TMEM39B: variants seen among roughly 807,000 people sequenced by gnomAD.
TMEM39B encodes transmembrane protein 39B.
TMEM39B carries 23 observed loss-of-function variants against 52.2 expected under a neutral mutation model. The ratio of observed to expected loss-of-function variants is 0.44; its 90% CI spans 0.32 to 0.62. The LOEUF is 0.62. TMEM39B is among the 20% of genes least tolerant of loss of function. The pLI, the probability that TMEM39B is intolerant of heterozygous loss-of-function variation, is 0.06. For synonymous variants in TMEM39B, 285 were observed against 264.0 expected (o/e 1.08, Z -0.77); for missense variants, 547 against 642.0 (o/e 0.85, Z 1.60).
chr1:32,097,174 A>G (rs989733144), intron 7 of TMEM39B, among the ~76,000 whole-genome samples: 1 of 152,064 alleles, frequency 6.6e-6, no homozygotes, highest in African/African-American at 2.4e-5. Context: ...CCCACCCCTC[A>G]TTCAAGATAT....
chr1:32,086,121 C>A (rs1640339309), intron 5 of TMEM39B, among the ~76,000 whole-genome samples: 1 of 152,070 alleles, frequency 6.6e-6, no homozygotes, highest in South Asian at 2.1e-4. Flanking sequence ...TACTCAATTT[C>A]TTTAGAAAAG....
intron 5 of TMEM39B, among the ~76,000 whole-genome samples, chr1:32,078,624 C>T (rs569914043): frequency 6.6e-6 from 1 of 152,192 alleles, no homozygotes; most frequent in Non-Finnish European, 1.5e-5. Flanking sequence ...ATTTTCTGTG[C>T]AAGTACACAC....
chr1:32,075,115 C>T (rs1557909095), intron 2 of TMEM39B, 38 bp downstream of exon 2: 3 of 1,532,020 alleles, frequency 2.0e-6, no homozygotes, highest in East Asian at 4.9e-5. Context: ...ACTGTGGCCT[C>T]ACAGGGACGA....
At chr1:32,099,204 G>T (rs1436386368) in intron 7 of TMEM39B, among the ~76,000 whole-genome samples, 1 of 151,178 alleles carries the variant, frequency 6.6e-6, no homozygotes, top group Non-Finnish European at 1.5e-5. Context: ...CTGCACTCCA[G>T]CCTGGGCGGC....
At chr1:32,075,889 T>C (rs1162968166) in intron 3 of TMEM39B, 67 bp downstream of exon 3, 2 of 1,122,850 alleles carry the variant, frequency 1.8e-6, no homozygotes, top group Non-Finnish European at 2.5e-6. Context: ...TGTGTGTGTG[T>C]TTCTTTTGGT....
intron 2 of TMEM39B, 115 bp from the exon 3 acceptor site, chr1:32,075,488 C>A: frequency 1.8e-6 from 2 of 1,085,458 alleles, no homozygotes; most frequent in Non-Finnish European, 2.6e-6. Context: ...TTAGGAAGAC[C>A]CCGTCCTTGC....
intron 7 of TMEM39B, among the ~76,000 whole-genome samples, chr1:32,098,206 G>A (rs1557442017): frequency 2.0e-5 from 3 of 151,344 alleles, no homozygotes; most frequent in Non-Finnish European, 4.4e-5. Context: ...TCACCATGTT[G>A]GCCAGGCTGG....
In TMEM39B at chr1:32,075,636, T is replaced by G; in HGVS notation, c.165T>G (p.Pro55=). The G allele has an allele frequency of 6.4e-7, 1 of 1,551,644 alleles. No homozygotes were observed. Among genetic ancestry groups the G allele is most frequent in the Non-Finnish European group, 8.7e-7 (1 of 1,147,022 alleles). The part of the protein sequence containing the change: ...SSSGTGLSSP[P]LATQTVVPLQ... Reference sequence around the variant, plus strand: ...CTGGAACAGGCCTCTCCAGCCCTCCTCTGGCCACCCAAACTGTTGTGCCTC... The same window carrying G: ...CTGGAACAGGCCTCTCCAGCCCTCCGCTGGCCACCCAAACTGTTGTGCCTC... The change falls in exon 3 of 9, where the codon CCT becomes CCG. Residue 55 remains proline, a synonymous_variant. Coordinates refer to ENST00000336294, the MANE Select transcript of TMEM39B (RefSeq NM_018056.4).
rs1337060207 is a variant in TMEM39B at position 32,102,635 on chromosome 1, G to C, written c.1441G>C (p.Ala481Pro). The C allele has an allele frequency of 2.5e-6, 4 of 1,608,140 alleles. No homozygotes were observed. Among genetic ancestry groups the C allele is most frequent in the Non-Finnish European group, 3.4e-6 (4 of 1,176,464 alleles). ...LVLGKAYSYS[A>P]SPQRDLDHRF... is the part of the protein sequence containing the mutation. Reference sequence around the variant, plus strand: ...ATTGGGCAAGGCCTACTCATACTCTGCTAGCCCCCAGAGAGACCTGGACCA... The same window carrying C: ...ATTGGGCAAGGCCTACTCATACTCTCCTAGCCCCCAGAGAGACCTGGACCA... Residue 481 changes from alanine (A) to proline (P), a missense_variant, in exon 9 of 9, where the codon GCT (alanine) becomes CCT (proline). Physicochemically the swap from Ala to Pro is conservative, Grantham distance 27. Coordinates refer to ENST00000336294, the MANE Select transcript of TMEM39B (RefSeq NM_018056.4).
intron 1 of TMEM39B, 149 bp from the exon 2 acceptor site, chr1:32,074,802 C>A: frequency 1.0e-6 from 1 of 989,200 alleles, no homozygotes; most frequent in African/African-American, 1.7e-5. Context: ...GGGGATGAAG[C>A]TGAAGATGTA....
intron 6 of TMEM39B, among the ~76,000 whole-genome samples, chr1:32,094,441 C>T (rs1413788137): frequency 6.6e-6 from 1 of 152,194 alleles, no homozygotes. Flanking sequence ...TTGCTCTATC[C>T]TCATTTGACA....
In TMEM39B at chr1:32,073,038, G is replaced by A. The variant is rs192506946; in HGVS notation, c.-10G>A. 1.9e-4 allele frequency: 284 copies of A among 1,524,568 alleles called. No individual in the cohort carries two copies. In the East Asian group the frequency reaches 6.2e-3, roughly 33 times the overall value. The allele number at this position is 1,524,568 out of a possible 1,614,324, so 94.4% of individuals were successfully genotyped here. ...TGCGGCGGCGAAGCGGAGAGCACCG[G>A]GGGGAGGAGATGGGTGAGCAGAGCG... On this transcript the variant is annotated 5_prime_UTR_variant, in exon 1 of 9. Coordinates refer to ENST00000336294, the MANE Select transcript of TMEM39B (RefSeq NM_018056.4).
intron 8 of TMEM39B, among the ~76,000 whole-genome samples, chr1:32,101,950 T>G (rs1393615534): frequency 1.3e-5 from 2 of 152,246 alleles, no homozygotes; most frequent in Admixed American, 1.3e-4. Context: ...AGTAGGTAAT[T>G]CAGGCTGTAG....
intron 1 of TMEM39B, 111 bp from the exon 2 acceptor site, chr1:32,074,836 CAGTG>C (rs1170189054): frequency 2.4e-5 from 31 of 1,297,800 alleles, no homozygotes; most frequent in Middle Eastern, 2.3e-4. Flanking sequence ...TCATAGGTCT[CAGTG>C]AGGATTAAAT....
At chr1:32,089,203 C>T (rs1264229230) in intron 5 of TMEM39B, among the ~76,000 whole-genome samples, 1 of 142,270 alleles carries the variant, frequency 7.0e-6, no homozygotes, top group Non-Finnish European at 1.5e-5. Context: ...GTAGTGTGAT[C>T]TCAGCTCATT....
At chr1:32,080,167 C>T (rs1387773518) in intron 5 of TMEM39B, among the ~76,000 whole-genome samples, 6 of 151,942 alleles carry the variant, frequency 3.9e-5, no homozygotes, top group Non-Finnish European at 7.4e-5. Context: ...TGATTACAGG[C>T]GTGAGCCACC....
intron 6 of TMEM39B, among the ~76,000 whole-genome samples, chr1:32,092,895 T>C (rs1640663141): frequency 6.6e-6 from 1 of 152,258 alleles, no homozygotes; most frequent in South Asian, 2.1e-4. Context: ...TTCGTAATAC[T>C]TGATTACAAA....
At chr1:32,093,776 G>A (rs1004963128) in intron 6 of TMEM39B, among the ~76,000 whole-genome samples, 4 of 151,454 alleles carry the variant, frequency 2.6e-5, no homozygotes, top group Non-Finnish European at 4.4e-5. Context: ...TCCTCCTAGC[G>A]CCTCTTGGAG....
At chr1:32,100,387 T>G in intron 7 of TMEM39B, 55 bp from the exon 8 acceptor site, 6 of 1,507,766 alleles carry the variant, frequency 4.0e-6, no homozygotes, top group Non-Finnish European at 5.3e-6. Context: ...ATTCTTCTGG[T>G]ATCCCTTTTG....
Sources: allele counts gnomAD v4.1 joint callset (sites outside exome capture counted in the v4.1 genomes callset), GRCh38; gene constraint gnomAD v4.1.1; transcripts MANE v1.5; gene names NCBI Gene and HGNC (gene_info 2026-07-23, HGNC 2026-07-21).